RSPH10B2: variants seen among roughly 807,000 people sequenced by gnomAD.
RSPH10B2 encodes the protein radial spoke head 10 homolog B2 (Chlamydomonas).
In RSPH10B2, 9 loss-of-function variants were observed where a neutral mutation model predicts 49.0. The ratio of observed to expected loss-of-function variants is 0.18; its 90% CI spans 0.11 to 0.32. The LOEUF is 0.32. RSPH10B2 is among the 10% of genes least tolerant of loss of function. The pLI is 1.00. For synonymous variants in RSPH10B2, 35 were observed against 210.2 expected (o/e 0.17, Z 7.21); for missense variants, 95 against 589.9 (o/e 0.16, Z 8.69).
At chr7:6,781,165 G>A (rs1781919997) in intron 12 of RSPH10B2, among the ~76,000 whole-genome samples, 163 bp from the exon 15 acceptor site, 1 of 115,716 alleles carries the variant, frequency 8.6e-6, no homozygotes, top group African/African-American at 3.4e-5. Context: ...TTGAGCCTGG[G>A]GGGCGGAGGT....
chr7:6,758,108 T>C (rs568608215), intron 1 of RSPH10B2, among the ~76,000 whole-genome samples, 177 bp downstream of exon 3: 1 of 150,748 alleles, frequency 6.6e-6, no homozygotes, highest in Non-Finnish European at 1.5e-5. Context: ...GCCTCCTGAG[T>C]AGCTGGGATT....
At chr7:6,796,249 G>C (rs1450876899) in intron 17 of RSPH10B2, among the ~76,000 whole-genome samples, 2 of 121,094 alleles carry the variant, frequency 1.7e-5, no homozygotes, top group African/African-American at 3.0e-5. Context: ...AGGAGGTGGA[G>C]GTTGCAGTGA....
chr7:6,776,873 T>TCACACA lies in RSPH10B2; in HGVS notation c.1414+376_1414+381dup, dbSNP rs746541740. Among the ~76,000 whole-genome samples, 857 of 111,050 alleles carry TCACACA rather than the reference T, an allele frequency of 7.7e-3. 4 individuals carry two copies. The highest frequency in any genetic ancestry group is 0.012 in the East Asian group (24 of 1,932). The allele number at this position is 111,050 out of a possible 152,430, so 72.9% of individuals were successfully genotyped here. A position where few individuals can be genotyped will look rare whatever the true frequency, so the allele number is the denominator to read the frequency against. On this transcript the variant is annotated intron_variant, in intron 10 of 18. Transcript: ENST00000297186. ...GCCTGGGTGACAGGGCGAGACTCCA[T>TCACACA]CACACACACACACACACACACACAC...
chr7:6,754,118 A>AGAGCCCGGCAACACCT (rs1780987623), upstream of RSPH10B2: 1 of 136,904 alleles, frequency 7.3e-6, no homozygotes, highest in African/African-American at 2.8e-5. Flanking sequence ...TGGGACGCCG[A>AGAGCCCGGCAACACCT]GAGCCCGGCA....
chr7:6,791,319 A>C (rs1253509249), intron 16 of RSPH10B2, among the ~76,000 whole-genome samples: 1 of 140,876 alleles, frequency 7.1e-6, no homozygotes, highest in African/African-American at 2.8e-5. Flanking sequence ...TTAATTTTAT[A>C]CAATAAATAC....
At chr7:6,757,276 C>CT, upstream of RSPH10B2, 1 of 49,700 alleles carries the variant, frequency 2.0e-5, no homozygotes, top group Non-Finnish European at 3.0e-5. Context: ...CTCAAGCAGT[C>CT]CTCCCACCTG....
chr7:6,797,190 G>A (rs901984411), intron 18 of RSPH10B2, among the ~76,000 whole-genome samples: 1 of 143,130 alleles, frequency 7.0e-6, no homozygotes, highest in African/African-American at 2.5e-5. Context: ...TGTATTTTTA[G>A]TAGAGACGAG....
intron 1 of RSPH10B2, among the ~76,000 whole-genome samples, chr7:6,758,366 G>A (rs1196127480): frequency 6.8e-6 from 1 of 147,982 alleles, no homozygotes; most frequent in Non-Finnish European, 1.5e-5. Flanking sequence ...GGCATGTTGT[G>A]TGATGCTGAG....
upstream of RSPH10B2, among the ~76,000 whole-genome samples, chr7:6,755,932 T>C (rs1323509577): frequency 2.7e-3 from 275 of 100,652 alleles, 4 homozygotes; most frequent in African/African-American, 0.012. Context: ...GGCTAGAGAG[T>C]CTGTCTAAAA....
At chr7:6,756,097 T>C (rs1185386646), upstream of RSPH10B2, among the ~76,000 whole-genome samples, 9 of 150,176 alleles carry the variant, frequency 6.0e-5, no homozygotes, top group African/African-American at 2.0e-4. Context: ...TGAAACCCCG[T>C]CTCTACTAAA....
At chr7:6,760,876 C>CTT (rs1165641462) in intron 3 of RSPH10B2, among the ~76,000 whole-genome samples, 2 of 65,490 alleles carry the variant, frequency 3.1e-5, no homozygotes, top group East Asian at 8.5e-4. Context: ...TTTATTTTTA[C>CTT]TTTTTTTTTT....
At chr7:6,791,368 G>GTT (rs1462150635) in intron 16 of RSPH10B2, among the ~76,000 whole-genome samples, 1 of 134,272 alleles carries the variant, frequency 7.4e-6, no homozygotes, top group Admixed American at 7.3e-5. Flanking sequence ...AAGTTTTGGG[G>GTT]GTTTTTTTTG....
At chr7:6,791,083 G>C (rs1322704276) in intron 16 of RSPH10B2, among the ~76,000 whole-genome samples, 1 of 138,384 alleles carries the variant, frequency 7.2e-6, no homozygotes, top group African/African-American at 2.7e-5. Flanking sequence ...CTCATTGCAA[G>C]CTCTGCCTCC....
At position 6,760,268 on chromosome 7, in the gene RSPH10B2, A is replaced by AT; in HGVS notation, c.376dup (p.Trp126LeufsTer8). On this transcript the variant is annotated frameshift_variant, in exon 3 of 19. Coordinates refer to ENST00000297186, the Ensembl canonical transcript of RSPH10B2. LOFTEE classifies it high-confidence loss of function. ...ACTCATGCATGGACAGGGGACTTATATTTGGGCCGATGGATTAAAATATGA... is the reference window on the plus strand; with the variant it reads ...ACTCATGCATGGACAGGGGACTTATATTTTGGGCCGATGGATTAAAATATGA... 8.3e-6 allele frequency: 3 copies of AT among 359,504 alleles called. No homozygotes were observed. Among genetic ancestry groups the AT allele is most frequent in the Non-Finnish European group, 1.4e-5 (3 of 207,404 alleles). The allele number at this position is 359,504 out of a possible 1,614,324, so 22.3% of individuals were successfully genotyped here. A position where few individuals can be genotyped will look rare whatever the true frequency, so the allele number is the denominator to read the frequency against.
At chr7:6,767,885 C>T (rs1005385397) in intron 6 of RSPH10B2, among the ~76,000 whole-genome samples, 1 of 83,208 alleles carries the variant, frequency 1.2e-5, no homozygotes, top group African/African-American at 5.9e-5. Flanking sequence ...CAGCACCCAG[C>T]CCAACTGGTA....
intron 3 of RSPH10B2, 61 bp from the exon 6 acceptor site, chr7:6,763,866 AG>A: frequency 6.3e-7 from 1 of 1,575,860 alleles, no homozygotes. Flanking sequence ...CCGCAGGACT[AG>A]GGATTCCCGC....
rs1781904538 is a variant in RSPH10B2, at chr7:6,780,804, C to T, written c.1530-5C>T. 2 of 1,459,470 alleles carry T rather than the reference C, an allele frequency of 1.4e-6. No homozygotes were observed. The highest frequency in any genetic ancestry group is 1.8e-6 in the Non-Finnish European group (2 of 1,104,552). 90.4% of individuals were successfully genotyped at this position (1,459,470 alleles called of 1,614,324 possible). On this transcript the variant is annotated splice_polypyrimidine_tract_variant and splice_region_variant and intron_variant, in intron 11 of 18. Transcript: ENST00000297186. Reference sequence around the variant, plus strand: ...AACTATGGTATCTTTTGATGATTATCACAGAAAGAGAAGCCCATCCCTCTT... The same window carrying T: ...AACTATGGTATCTTTTGATGATTATTACAGAAAGAGAAGCCCATCCCTCTT...
At chr7:6,797,129 C>G (rs1041045343) in intron 18 of RSPH10B2, among the ~76,000 whole-genome samples, 3 of 142,654 alleles carry the variant, frequency 2.1e-5, no homozygotes, top group African/African-American at 5.1e-5. Context: ...TTGCCTCAGC[C>G]TCCCGAGTAG....
chr7:6,795,757 T>C (rs2240413), intron 17 of RSPH10B2, among the ~76,000 whole-genome samples: 10 of 146,484 alleles, frequency 6.8e-5, no homozygotes, highest in African/African-American at 1.2e-4. Context: ...CATGACCTTG[T>C]CTCACAGTAA....
Sources: gnomAD v4.1 joint callset for allele counts (sites outside exome capture counted in the v4.1 genomes callset) on GRCh38, gnomAD v4.1.1 for gene constraint, MANE v1.5 for transcripts, NCBI Gene and HGNC (gene_info 2026-07-23, HGNC 2026-07-21) for gene names.